Variants in CSMD1 observed in about 807,000 individuals in gnomAD.
The protein encoded by CSMD1 is CUB and Sushi multiple domains 1.
In CSMD1, 213 loss-of-function variants were observed where a neutral mutation model predicts 417.5. The observed-to-expected ratio is 0.51, with a 90% CI of 0.46 to 0.57. The LOEUF (loss-of-function observed/expected upper bound fraction) is 0.57, where lower values mean the gene tolerates loss of function less well. Ranked by LOEUF, CSMD1 falls within the 20% of genes least tolerant of loss-of-function variation. CSMD1 has a pLI of 0.00. For synonymous variants in CSMD1, 2,862 were observed against 1,736.8 expected (o/e 1.65, Z -16.11); for missense variants, 6,923 against 4,529.7 (o/e 1.53, Z -15.17).
At chr8:2,995,669 G>A (rs2128951521) in intron 54 of CSMD1, among the ~76,000 whole-genome samples, 1 of 152,138 alleles carries the variant, frequency 6.6e-6, no homozygotes, top group Non-Finnish European at 1.5e-5. Context: ...ATGGGTAAAT[G>A]GTGAAAAAAA....
chr8:4,199,116 G>A (rs1003089688), intron 3 of CSMD1, among the ~76,000 whole-genome samples: 13 of 152,106 alleles, frequency 8.5e-5, no homozygotes, highest in Admixed American at 3.3e-4. Context: ...TCTGCTGTCC[G>A]TAAAGTTCTC....
rs117738078 is a variant in CSMD1, at chr8:4,419,542, C to G, written c.415+411G>C. On this transcript the variant is annotated intron_variant, in intron 3 of 69. Transcript: ENST00000635120. The stretch of plus-strand genomic sequence containing the variant: ...TCTCTCTTAAAAATTTCAGCTTTGA[C>G]AACAAAAGTTCATTTAATGAAATTT... 4.6e-4 allele frequency among the ~76,000 whole-genome samples: 70 copies of G among 152,212 alleles called. 2 individuals are homozygous for G. The East Asian group carries it at 0.012, about 27-fold the overall frequency.
chr8:4,139,608 G>C (rs1053730574), intron 3 of CSMD1, among the ~76,000 whole-genome samples: 1 of 151,184 alleles, frequency 6.6e-6, no homozygotes, highest in Admixed American at 6.6e-5. Flanking sequence ...AGGGGACAAG[G>C]AGCAGAGGAA....
intron 7 of CSMD1, among the ~76,000 whole-genome samples, chr8:3,691,153 G>C (rs906187027): frequency 3.9e-5 from 6 of 152,022 alleles, no homozygotes; most frequent in Non-Finnish European, 7.4e-5. Flanking sequence ...GATCACCTGA[G>C]GTCAGGAGTT....
At chr8:3,352,708 T>C (rs1234477787) in intron 21 of CSMD1, among the ~76,000 whole-genome samples, 2 of 152,080 alleles carry the variant, frequency 1.3e-5, no homozygotes, top group African/African-American at 2.4e-5. Flanking sequence ...CGCATGGTGG[T>C]GCATGCCGGT....
At chr8:3,759,775 G>A (rs568962083) in intron 5 of CSMD1, among the ~76,000 whole-genome samples, 19 of 151,480 alleles carry the variant, frequency 1.3e-4, no homozygotes, top group African/African-American at 4.4e-4. Flanking sequence ...AGACATGGTG[G>A]CAGACTCCTG....
intron 3 of CSMD1, among the ~76,000 whole-genome samples, chr8:4,065,392 T>C (rs1394632534): frequency 5.9e-5 from 9 of 152,212 alleles, no homozygotes; most frequent in African/African-American, 1.7e-4. Flanking sequence ...CCTACAGTCT[T>C]AAAAATTTTT....
chr8:4,012,431 T>G (rs1585130299), intron 4 of CSMD1, among the ~76,000 whole-genome samples: 1 of 152,212 alleles, frequency 6.6e-6, no homozygotes, highest in East Asian at 1.9e-4. Flanking sequence ...TGTTTTATTC[T>G]TAACTTTTAT....
At chr8:4,269,993 G>A (rs956825251) in intron 3 of CSMD1, among the ~76,000 whole-genome samples, 62 of 152,220 alleles carry the variant, frequency 4.1e-4, no homozygotes, top group African/African-American at 1.4e-3. Flanking sequence ...CTGAGCTTGG[G>A]GCCATATATA....
intron 3 of CSMD1, among the ~76,000 whole-genome samples, chr8:4,242,110 G>T (rs1427283252): frequency 6.6e-6 from 1 of 152,096 alleles, no homozygotes; most frequent in Non-Finnish European, 1.5e-5. Flanking sequence ...TGAATTCTCA[G>T]AATGCTCTAA....
chr8:3,493,429 G>A (rs1233361749), intron 11 of CSMD1, among the ~76,000 whole-genome samples, 194 bp downstream of exon 11: 3 of 151,854 alleles, frequency 2.0e-5, no homozygotes. Flanking sequence ...AGTCGAAACA[G>A]ATAACACATA....
intron 7 of CSMD1, among the ~76,000 whole-genome samples, chr8:3,649,302 A>G (rs900866845): frequency 2.6e-5 from 4 of 152,236 alleles, no homozygotes; most frequent in Non-Finnish European, 5.9e-5. Flanking sequence ...AAAAAACATG[A>G]AACTCTTACA....
chr8:4,642,411 C>A (rs995596647), intron 1 of CSMD1, among the ~76,000 whole-genome samples: 2 of 152,216 alleles, frequency 1.3e-5, no homozygotes, highest in Non-Finnish European at 2.9e-5. Context: ...TGGCTCCTCT[C>A]CCGGGCTGTT....
At chr8:4,061,212 A>C (rs986604732) in intron 3 of CSMD1, among the ~76,000 whole-genome samples, 2 of 152,342 alleles carry the variant, frequency 1.3e-5, no homozygotes, top group Non-Finnish European at 2.9e-5. Context: ...TTAGGAACCC[A>C]GCCCTGCTGA....
intron 12 of CSMD1, among the ~76,000 whole-genome samples, chr8:3,412,082 A>T (rs1450197364): frequency 1.4e-5 from 1 of 71,146 alleles, no homozygotes; most frequent in African/African-American, 7.6e-5. Context: ...ATATATACAT[A>T]TATATACACA....
chr8:3,993,127 T>C (rs975131368), intron 5 of CSMD1, among the ~76,000 whole-genome samples: 1 of 152,254 alleles, frequency 6.6e-6, no homozygotes, highest in Admixed American at 6.5e-5. Context: ...CATGAATTTC[T>C]TGGTGCCAAT....
intron 25 of CSMD1, among the ~76,000 whole-genome samples, chr8:3,303,550 A>C (rs6990790): frequency 0.047 from 7,232 of 152,264 alleles, 434 homozygotes; most frequent in African/African-American, 0.14. Context: ...TATACTACCA[A>C]ATGCAATTTT....
At chr8:3,679,920 T>G (rs1292202660) in intron 7 of CSMD1, among the ~76,000 whole-genome samples, 1 of 152,106 alleles carries the variant, frequency 6.6e-6, no homozygotes, top group African/African-American at 2.4e-5. Flanking sequence ...CTGAACAACT[T>G]GCTCCTGAAT....
intron 12 of CSMD1, among the ~76,000 whole-genome samples, chr8:3,445,552 A>T (rs1815247303): frequency 2.0e-5 from 3 of 152,194 alleles, no homozygotes; most frequent in Non-Finnish European, 2.9e-5. Context: ...TTAATAGAAC[A>T]GACTTCTTAT....
Sources: gnomAD v4.1 joint callset for allele counts (sites outside exome capture counted in the v4.1 genomes callset) on GRCh38, gnomAD v4.1.1 for gene constraint, MANE v1.5 for transcripts, NCBI Gene and HGNC (gene_info 2026-07-23, HGNC 2026-07-21) for gene names.